C8orf89: variants seen among roughly 807,000 people sequenced by gnomAD.
The protein encoded by C8orf89 is putative uncharacterized protein C8orf89.
Under a neutral mutation model 15.8 loss-of-function variants are expected in C8orf89, and 14 were observed. The ratio of observed to expected loss-of-function variants is 0.89; its 90% CI spans 0.59 to 1.39. The LOEUF (loss-of-function observed/expected upper bound fraction) is 1.39, where lower values mean the gene tolerates loss of function less well. Among genes scored for constraint, C8orf89 ranks in the 40% most tolerant of loss-of-function variants. The pLI is 0.00. For missense variants in C8orf89, 181 were observed against 184.5 expected (o/e 0.98, Z 0.11); for synonymous variants, 55 against 62.2 (o/e 0.88, Z 0.54).
the C8orf89 span, among the ~76,000 whole-genome samples, chr8:73,273,945 C>A: frequency 6.6e-6 from 1 of 151,912 alleles, no homozygotes; most frequent in Non-Finnish European, 1.5e-5. Flanking sequence ...CTAAGAAATA[C>A]CATTAAAAGG....
chr8:73,255,608 G>A (rs1483394149), intron 2 of C8orf89, among the ~76,000 whole-genome samples: 2 of 149,576 alleles, frequency 1.3e-5, no homozygotes, highest in South Asian at 4.2e-4. Flanking sequence ...CCCATTACTG[G>A]GTATATACCC....
chr8:73,249,659 A>G (rs1813205289), intron 3 of C8orf89, among the ~76,000 whole-genome samples: 1 of 152,198 alleles, frequency 6.6e-6, no homozygotes, highest in African/African-American at 2.4e-5. Flanking sequence ...AGACTGAAGG[A>G]CAAATGGCAA....
At chr8:73,259,867 C>A (rs1271508368), upstream of C8orf89, among the ~76,000 whole-genome samples, 1 of 152,120 alleles carries the variant, frequency 6.6e-6, no homozygotes, top group Non-Finnish European at 1.5e-5. Context: ...ATATATTAAA[C>A]ACATATTCAA....
At chr8:73,271,387 G>C in the C8orf89 span, among the ~76,000 whole-genome samples, 6 of 152,192 alleles carry the variant, frequency 3.9e-5, no homozygotes, top group Non-Finnish European at 7.3e-5. Flanking sequence ...TCACTCTCAT[G>C]AGACTGGATT....
At chr8:73,264,966 T>C in the C8orf89 span, among the ~76,000 whole-genome samples, 1 of 152,314 alleles carries the variant, frequency 6.6e-6, no homozygotes, top group Admixed American at 6.5e-5. Context: ...ACAGCTATGG[T>C]ATCCAATATG....
chr8:73,244,672 G>A (rs1025006704), intron 3 of C8orf89, among the ~76,000 whole-genome samples: 1 of 152,110 alleles, frequency 6.6e-6, no homozygotes, highest in Non-Finnish European at 1.5e-5. Context: ...GGTAATATGA[G>A]TGAGAAGTTC....
chr8:73,244,042 A>G (rs1033045630), intron 3 of C8orf89, among the ~76,000 whole-genome samples: 5 of 152,192 alleles, frequency 3.3e-5, no homozygotes, highest in African/African-American at 1.2e-4. Context: ...TAAAAGGCAT[A>G]ATCTCCATAA....
the C8orf89 span, among the ~76,000 whole-genome samples, chr8:73,272,483 C>T: frequency 1.1e-4 from 17 of 151,856 alleles, no homozygotes; most frequent in South Asian, 6.2e-4. Context: ...ACTTTAAGTT[C>T]TAGGGTACAT....
At chr8:73,282,142 C>T in the C8orf89 span, among the ~76,000 whole-genome samples, 1 of 152,216 alleles carries the variant, frequency 6.6e-6, no homozygotes. Flanking sequence ...TAGTAACTCA[C>T]TTAAATATAT....
At chr8:73,256,157 TAATGTTTTCA>T (rs1813379469) in intron 2 of C8orf89, among the ~76,000 whole-genome samples, 1 of 149,864 alleles carries the variant, frequency 6.7e-6, no homozygotes, top group Non-Finnish European at 1.5e-5. Flanking sequence ...ATAATAATAA[TAATGTTTTCA>T]AATGTCAGTA....
chr8:73,285,608 C>A, the C8orf89 span, among the ~76,000 whole-genome samples: 1 of 152,262 alleles, frequency 6.6e-6, no homozygotes, highest in African/African-American at 2.4e-5. Flanking sequence ...GCCACCAGCA[C>A]TCACTGTGCC....
upstream of C8orf89, among the ~76,000 whole-genome samples, chr8:73,260,011 C>T (rs1256510055): frequency 6.6e-6 from 1 of 152,158 alleles, no homozygotes; most frequent in Non-Finnish European, 1.5e-5. Context: ...TATGAAATGC[C>T]TATTTTTCCA....
In C8orf89 at chr8:73,256,452, G is replaced by A. The variant is rs147652692; in HGVS notation, c.281+521C>T. On this transcript the variant is annotated intron_variant, in intron 2 of 3. Coordinates refer to ENST00000624510, the MANE Select transcript of C8orf89 (RefSeq NM_001243237.3). Reference sequence around the variant, plus strand: ...TTTAAAATGCCCTTAAATCGGGGGTGGGTGCAGTGGCTCACGCCTGTAATC... The same window carrying A: ...TTTAAAATGCCCTTAAATCGGGGGTAGGTGCAGTGGCTCACGCCTGTAATC... 6.7e-3 allele frequency among the ~76,000 whole-genome samples: 1,018 copies of A among 152,026 alleles called. 9 individuals are homozygous for A. Among genetic ancestry groups the A allele is most frequent in the African/African-American group, 0.023 (934 of 41,466 alleles).
At chr8:73,280,446 C>A in the C8orf89 span, among the ~76,000 whole-genome samples, 1 of 152,206 alleles carries the variant, frequency 6.6e-6, no homozygotes, top group South Asian at 2.1e-4. Context: ...TCTCAGCTCA[C>A]TGCAACCTCC....
chr8:73,282,189 C>T, the C8orf89 span, among the ~76,000 whole-genome samples: 14 of 152,298 alleles, frequency 9.2e-5, no homozygotes, highest in African/African-American at 2.9e-4. Flanking sequence ...AAATGTGTCA[C>T]GTGCACAAAA....
In C8orf89 at chr8:73,241,547, G is replaced by A; in HGVS notation, c.396C>T (p.Ser132=). ...TATCATATTCCAATATGGCTATTTT[G>A]GAAAGTCTCTCTAAGTATTGAGATG... The part of the protein sequence containing the change: ...GAPSQYLERL[S]KIAILEYDTI... Residue 132 remains serine, a synonymous_variant, in exon 4 of 4, where the codon TCC becomes TCT. Transcript: ENST00000624510. 6.5e-7 allele frequency: 1 copy of A among 1,532,032 alleles called. No homozygotes were observed. The highest frequency in any genetic ancestry group is 8.7e-7 in the Non-Finnish European group (1 of 1,144,674). 94.9% of individuals were successfully genotyped at this position (1,532,032 alleles called of 1,614,324 possible).
At chr8:73,282,522 G>A in the C8orf89 span, among the ~76,000 whole-genome samples, 2 of 152,206 alleles carry the variant, frequency 1.3e-5, no homozygotes, top group African/African-American at 2.4e-5. Context: ...TGCCTGGAGG[G>A]AGGGGTTCAG....
At chr8:73,267,594 G>T in the C8orf89 span, among the ~76,000 whole-genome samples, 1 of 152,206 alleles carries the variant, frequency 6.6e-6, no homozygotes, top group African/African-American at 2.4e-5. Flanking sequence ...GAGGGAATTA[G>T]AGTATGATTA....
the C8orf89 span, among the ~76,000 whole-genome samples, chr8:73,280,884 A>T: frequency 6.6e-6 from 1 of 152,002 alleles, no homozygotes; most frequent in Non-Finnish European, 1.5e-5. Context: ...GTCAATAAAA[A>T]ATTCATTCTC....
Sources: allele counts gnomAD v4.1 joint callset (sites outside exome capture counted in the v4.1 genomes callset), GRCh38; gene constraint gnomAD v4.1.1; transcripts MANE v1.5; gene names NCBI Gene and HGNC (gene_info 2026-07-23, HGNC 2026-07-21).